The following VWA3B variants were observed in gnomAD, a reference collection of about 807,000 sequenced individuals.
The protein encoded by VWA3B is von Willebrand factor A domain containing 3B.
In VWA3B, 138 loss-of-function variants were observed where a neutral mutation model predicts 158.3. The observed-to-expected ratio is 0.87, with a 90% CI of 0.76 to 1.00. The LOEUF is 1.00. Among genes scored for constraint, VWA3B ranks in the 50% least tolerant of loss-of-function variants. The pLI, the probability that VWA3B is intolerant of heterozygous loss-of-function variation, is 0.00. For synonymous variants in VWA3B, 596 were observed against 587.3 expected (o/e 1.01, Z -0.21); for missense variants, 1,555 against 1,565.1 (o/e 0.99, Z 0.11).
intron 14 of VWA3B, among the ~76,000 whole-genome samples, chr2:98,227,151 G>A (rs188798518): frequency 2.4e-3 from 367 of 152,234 alleles, no homozygotes; most frequent in Non-Finnish European, 3.6e-3. Context: ...AAACCCCATC[G>A]TCTCAGCCCA....
the VWA3B span, among the ~76,000 whole-genome samples, chr2:98,330,108 A>G: frequency 6.6e-6 from 1 of 152,330 alleles, no homozygotes; most frequent in Middle Eastern, 3.4e-3. Flanking sequence ...GTCTCCTGGC[A>G]CATTAGAGTC....
At chr2:98,165,429 C>A (rs1258830117) in intron 8 of VWA3B, among the ~76,000 whole-genome samples, 1 of 151,994 alleles carries the variant, frequency 6.6e-6, no homozygotes, top group Non-Finnish European at 1.5e-5. Context: ...TGATTTAATC[C>A]CTATGGGATG....
intron 8 of VWA3B, among the ~76,000 whole-genome samples, chr2:98,173,744 G>C (rs968852596): frequency 6.6e-6 from 1 of 152,160 alleles, no homozygotes; most frequent in Non-Finnish European, 1.5e-5. Flanking sequence ...GAGGTGGGTG[G>C]ATCACGAGGT....
intron 7 of VWA3B, among the ~76,000 whole-genome samples, chr2:98,149,477 T>C (rs1168507282): frequency 6.6e-6 from 1 of 152,200 alleles, no homozygotes. Flanking sequence ...GTACACCCCA[T>C]GCAAATGAAG....
chr2:98,251,785 T>C (rs1686813961), intron 20 of VWA3B, among the ~76,000 whole-genome samples: 1 of 152,192 alleles, frequency 6.6e-6, no homozygotes, highest in African/African-American at 2.4e-5. Context: ...CTTGCTCCAC[T>C]GTGTCCAACC....
At chr2:98,240,800 C>T (rs1444385705) in intron 19 of VWA3B, among the ~76,000 whole-genome samples, 3 of 151,972 alleles carry the variant, frequency 2.0e-5, no homozygotes, top group Admixed American at 6.5e-5. Flanking sequence ...TATCCATACT[C>T]TGTGAATAAT....
chr2:98,255,312 G>A (rs183380326), intron 20 of VWA3B, among the ~76,000 whole-genome samples: 4 of 150,160 alleles, frequency 2.7e-5, no homozygotes, highest in South Asian at 4.2e-4. Context: ...GATTACAGGC[G>A]TGAGCCACTG....
intron 25 of VWA3B, among the ~76,000 whole-genome samples, chr2:98,301,486 T>C (rs1340064415): frequency 6.6e-6 from 1 of 152,212 alleles, no homozygotes; most frequent in Non-Finnish European, 1.5e-5. Context: ...ATTGTGAGGC[T>C]TGAAGAAAAG....
In VWA3B at chr2:98,187,759, TCTC is replaced by T. The variant is rs531271094; in HGVS notation, c.1312-213_1312-211del. ...TAGCTTTTCTGGGGCACACATGTGA[TCTC>T]CTGTATCTTTCTGGCCTATGTTCAT... On this transcript the variant is annotated intron_variant, in intron 9 of 27. Coordinates refer to ENST00000477737, the MANE Select transcript of VWA3B (RefSeq NM_144992.5). Among the ~76,000 whole-genome samples, 198 of 151,736 alleles carry T rather than the reference TCTC, an allele frequency of 1.3e-3. 2 individuals carry two copies. Among genetic ancestry groups the T allele is most frequent in the African/African-American group, 4.6e-3 (192 of 41,298 alleles).
chr2:98,261,929 C>G (rs1426163669), intron 21 of VWA3B, among the ~76,000 whole-genome samples: 2 of 151,738 alleles, frequency 1.3e-5, no homozygotes. Flanking sequence ...GAATCCTTCT[C>G]CACATCCTTG....
intron 12 of VWA3B, among the ~76,000 whole-genome samples, chr2:98,197,646 TTA>T (rs1682168579): frequency 6.6e-6 from 1 of 152,204 alleles, no homozygotes; most frequent in Non-Finnish European, 1.5e-5. Context: ...TCATGGAAAT[TTA>T]TTTTATTCTT....
At chr2:98,326,475 T>A in the VWA3B span, among the ~76,000 whole-genome samples, 1 of 152,152 alleles carries the variant, frequency 6.6e-6, no homozygotes, top group Non-Finnish European at 1.5e-5. Context: ...AAGACAAAAT[T>A]ATAGGCTGGG....
rs779138974 is a variant in VWA3B, at chr2:98,229,358, C to T, written c.2151-692C>T. ...CAGACCCACAGAGGGCCATGGAACCCGGGGCAGGTGCTCCACGGAGGCGTC... is the reference window on the plus strand; with the variant it reads ...CAGACCCACAGAGGGCCATGGAACCTGGGGCAGGTGCTCCACGGAGGCGTC... On this transcript the variant is annotated intron_variant, in intron 15 of 27. Transcript: ENST00000477737. Among the ~76,000 whole-genome samples the T allele has an allele frequency of 1.2e-4, 19 of 152,186 alleles. 1 individual carries two copies. Among genetic ancestry groups the T allele is most frequent in the Admixed American group, 9.8e-4 (15 of 15,284 alleles).
At chr2:98,251,476 A>C (rs1194009508) in intron 20 of VWA3B, among the ~76,000 whole-genome samples, 4 of 152,096 alleles carry the variant, frequency 2.6e-5, no homozygotes, top group Admixed American at 2.6e-4. Flanking sequence ...GTCCTTGTCC[A>C]TGCTGTAATC....
intron 7 of VWA3B, among the ~76,000 whole-genome samples, chr2:98,160,287 C>T (rs1236611720): frequency 6.6e-6 from 1 of 152,226 alleles, no homozygotes; most frequent in Non-Finnish European, 1.5e-5. Flanking sequence ...GATGCTTTTA[C>T]TGTTCTGTAG....
At chr2:98,091,200 G>C (rs1682266577) in intron 1 of VWA3B, among the ~76,000 whole-genome samples, 2 of 152,176 alleles carry the variant, frequency 1.3e-5, no homozygotes, top group Admixed American at 1.3e-4. Flanking sequence ...AGACCTGGCT[G>C]GAGGAGGTTA....
At position 98,193,002 on chromosome 2, in the gene VWA3B, A is replaced by T. The variant is rs545345591; in HGVS notation, c.1571A>T (p.Asp524Val). ...TCTCACTCAATGAAGAGCAAACTGGACTTGGTGAAGGACAAGATCATTCAG... is the reference window on the plus strand; with the variant it reads ...TCTCACTCAATGAAGAGCAAACTGGTCTTGGTGAAGGACAAGATCATTCAG... ...DTSHSMKSKLDLVKDKIIQFI... is the reference protein window; with the variant it reads ...DTSHSMKSKLVLVKDKIIQFI... Residue 524 changes from aspartate (D) to valine (V), a missense_variant, in exon 11 of 28, where the codon GAC becomes GTC. Coordinates refer to ENST00000477737, the MANE Select transcript of VWA3B (RefSeq NM_144992.5). 34 of 1,614,118 alleles carry T rather than the reference A, an allele frequency of 2.1e-5. No homozygotes were observed. In the South Asian group the frequency reaches 3.3e-4, roughly 16 times the overall value.
chr2:98,142,076 G>A (rs1339264422), intron 7 of VWA3B, among the ~76,000 whole-genome samples: 7 of 152,230 alleles, frequency 4.6e-5, no homozygotes, highest in Admixed American at 2.6e-4. Context: ...TCCCCATCCC[G>A]AGCTTTACCC....
At chr2:98,173,749 C>T (rs1300069559) in intron 8 of VWA3B, among the ~76,000 whole-genome samples, 4 of 152,100 alleles carry the variant, frequency 2.6e-5, no homozygotes, top group South Asian at 2.1e-4. Context: ...GGGTGGATCA[C>T]GAGGTCAAGA....
Sources: gnomAD v4.1 joint callset for allele counts (sites outside exome capture counted in the v4.1 genomes callset) on GRCh38, gnomAD v4.1.1 for gene constraint, MANE v1.5 for transcripts, NCBI Gene and HGNC (gene_info 2026-07-23, HGNC 2026-07-21) for gene names.